METTL25: variants seen among roughly 807,000 people sequenced by gnomAD.
METTL25 encodes the protein methyltransferase like 25, also known as probable methyltransferase-like protein 25.
METTL25 carries 64 observed loss-of-function variants against 71.6 expected under a neutral mutation model. The ratio of observed to expected loss-of-function variants is 0.89; its 90% CI spans 0.73 to 1.10. The LOEUF (loss-of-function observed/expected upper bound fraction) is 1.10. Ranked by LOEUF, METTL25 falls within the 50% of genes least tolerant of loss-of-function variation. The probability of loss-of-function intolerance (pLI) is 0.00; values close to 1 mark genes in which losing one functional copy is unlikely to be tolerated. For synonymous variants in METTL25, 287 were observed against 250.3 expected, an observed-to-expected ratio of 1.15 and a Z score of -1.38; for missense variants, 807 against 707.0, an observed-to-expected ratio of 1.14 and a Z score of -1.60.
At chr12:82,377,275 G>A (rs982251947) in intron 1 of METTL25, among the ~76,000 whole-genome samples, 1 of 152,064 alleles carries the variant, frequency 6.6e-6, no homozygotes, top group East Asian at 1.9e-4. Flanking sequence ...GGTTGCATGC[G>A]TCACCTAGCA....
intron 9 of METTL25, among the ~76,000 whole-genome samples, chr12:82,470,614 C>G (rs913275439): frequency 8.5e-5 from 13 of 152,214 alleles, no homozygotes; most frequent in South Asian, 2.1e-4. Context: ...AAAAAAAAAG[C>G]CTTTCTGCCT....
intron 5 of METTL25, among the ~76,000 whole-genome samples, chr12:82,411,443 G>A (rs867189460): frequency 6.6e-6 from 1 of 151,854 alleles, no homozygotes; most frequent in Non-Finnish European, 1.5e-5. Flanking sequence ...GGGCAAAGTT[G>A]GAACATGTTT....
In METTL25 at chr12:82,370,164, G is replaced by C. The variant is rs114890089; in HGVS notation, c.259+11340G>C. ...CCCTGCAGTTGTAGTGTCCTCCATA[G>C]GGGAACTCTTTAGGCCAGTGAAAGG... On this transcript the variant is annotated intron_variant, in intron 1 of 11. Transcript: ENST00000248306. Among the ~76,000 whole-genome samples, 548 of 152,254 alleles carry C rather than the reference G, an allele frequency of 3.6e-3. 1 individual carries two copies. Among genetic ancestry groups the C allele is most frequent in the African/African-American group, 0.013 (525 of 41,536 alleles).
At position 82,430,548 on chromosome 12, in the gene METTL25, CAAT is replaced by C. The variant is rs1429944371; in HGVS notation, c.1280-342_1280-340del. Among the ~76,000 whole-genome samples the C allele has an allele frequency of 2.6e-5, 4 of 151,524 alleles. No homozygotes were observed. The Admixed American group carries it at 2.6e-4, about 10-fold the overall frequency. ...AATCATTTTTAAAAAGTCAGACCAA[CAAT>C]AAATTTTCAATATCTCATTACTTAT... On this transcript the variant is annotated intron_variant, in intron 5 of 11. Transcript: ENST00000248306.
chr12:82,446,305 A>G (rs1355260143), intron 8 of METTL25, among the ~76,000 whole-genome samples: 1 of 152,176 alleles, frequency 6.6e-6, no homozygotes, highest in Non-Finnish European at 1.5e-5. Flanking sequence ...GTGTTAAACT[A>G]CACTGTAGAA....
rs1886335894 is a variant in METTL25 at position 82,398,964 on chromosome 12, A to T, written c.701A>T (p.Asp234Val). Reference sequence around the variant, plus strand: ...CTCTGTCATGCTCAGTCAAGATTAGATGTCAATGGACTAGCATTAAAAATG... The same window carrying T: ...CTCTGTCATGCTCAGTCAAGATTAGTTGTCAATGGACTAGCATTAAAAATG... The part of the protein sequence containing the change: ...WKLCHAQSRL[D>V]VNGLALKMAK... The change falls in exon 4 of 12, where the codon GAT becomes GTT. Residue 234 changes from aspartate to valine, a missense_variant. Coordinates refer to ENST00000248306, the MANE Select transcript of METTL25 (RefSeq NM_032230.3). 2 of 1,610,114 alleles carry T rather than the reference A, an allele frequency of 1.2e-6. No homozygotes were observed. The highest frequency in any genetic ancestry group is 1.7e-5 in the Admixed American group (1 of 59,558).
At position 82,399,374 on chromosome 12, in the gene METTL25, G is replaced by T; in HGVS notation, c.1111G>T (p.Asp371Tyr). 1 of 1,577,992 alleles carries T rather than the reference G, an allele frequency of 6.3e-7. No homozygotes were observed. Among genetic ancestry groups the T allele is most frequent in the South Asian group, 1.2e-5 (1 of 84,846 alleles). Reference protein sequence around the residue: ...SFITADSELHDIIKDLEDCLM... With the variant: ...SFITADSELHYIIKDLEDCLM... ...TATCACTGCTGATTCAGAACTCCAT[G>T]ACATTATTAAAGATTTGGAGGTGAC... Residue 371 changes from aspartate to tyrosine, a missense_variant, in exon 4 of 12, where the codon GAC becomes TAC. Transcript: ENST00000248306.
intron 1 of METTL25, among the ~76,000 whole-genome samples, chr12:82,372,453 A>G (rs1169911537): frequency 6.6e-6 from 1 of 152,176 alleles, no homozygotes; most frequent in African/African-American, 2.4e-5. Flanking sequence ...CTCCTGTGAG[A>G]TGTAAATTGC....
At chr12:82,360,873 A>T (rs1881762738) in intron 1 of METTL25, among the ~76,000 whole-genome samples, 1 of 152,090 alleles carries the variant, frequency 6.6e-6, no homozygotes, top group Non-Finnish European at 1.5e-5. Context: ...TGATGTTTGG[A>T]TGTGTTCGGA....
intron 3 of METTL25, among the ~76,000 whole-genome samples, chr12:82,396,570 T>C (rs1022430032): frequency 9.9e-5 from 15 of 152,088 alleles, no homozygotes; most frequent in Non-Finnish European, 2.1e-4. Context: ...CTCCATTTAT[T>C]TTATGAAATG....
chr12:82,456,578 A>G (rs1891503306), intron 8 of METTL25, 149 bp from the exon 9 acceptor site: 1 of 481,498 alleles, frequency 2.1e-6, no homozygotes, highest in Non-Finnish European at 3.7e-6. Flanking sequence ...TAACTTTAAA[A>G]TGTCCTCAAA....
At chr12:82,406,965 T>C (rs976113331) in intron 5 of METTL25, among the ~76,000 whole-genome samples, 2 of 152,136 alleles carry the variant, frequency 1.3e-5, no homozygotes, top group Admixed American at 1.3e-4. Flanking sequence ...ATAGTCACTT[T>C]TTCTCATTGT....
chr12:82,453,402 A>G (rs1236906705), intron 8 of METTL25, among the ~76,000 whole-genome samples: 2 of 152,166 alleles, frequency 1.3e-5, no homozygotes, highest in African/African-American at 4.8e-5. Flanking sequence ...ATCCTATTCA[A>G]GTAGTATGCT....
At chr12:82,416,838 T>C (rs1888026845) in intron 5 of METTL25, among the ~76,000 whole-genome samples, 1 of 152,116 alleles carries the variant, frequency 6.6e-6, no homozygotes, top group African/African-American at 2.4e-5. Flanking sequence ...TCCTGATAGT[T>C]CAATATAGTG....
In METTL25 at chr12:82,402,988, T is replaced by C. The variant is rs745468767; in HGVS notation, c.1137T>C (p.Cys379=). ...LHDIIKDLED[C]LMVGLHTCGD... ...TTTCTTCTTGTATTTTAAAGGATTG[T>C]TTGATGGTGGGTCTCCACACTTGTG... The change falls in exon 5 of 12, where the codon TGT becomes TGC. Residue 379 remains cysteine, a synonymous_variant. Coordinates refer to ENST00000248306, the MANE Select transcript of METTL25 (RefSeq NM_032230.3). The C allele has an allele frequency of 6.3e-7, 1 of 1,592,630 alleles. No homozygotes were observed. Among genetic ancestry groups the C allele is most frequent in the Non-Finnish European group, 8.5e-7 (1 of 1,172,830 alleles).
chr12:82,469,151 A>G (rs1042562740), intron 9 of METTL25, among the ~76,000 whole-genome samples: 7 of 152,184 alleles, frequency 4.6e-5, no homozygotes, highest in East Asian at 1.9e-4. Flanking sequence ...GGGGATGTCT[A>G]TGGAAATCTG....
intron 3 of METTL25, among the ~76,000 whole-genome samples, chr12:82,393,600 A>T (rs1885800074): frequency 6.6e-6 from 1 of 151,926 alleles, no homozygotes; most frequent in Admixed American, 6.6e-5. Context: ...TTAAATTTGG[A>T]TGCCTTTTAT....
intron 4 of METTL25, 51 bp from the exon 5 acceptor site, chr12:82,402,932 A>T: frequency 7.2e-7 from 1 of 1,389,150 alleles, no homozygotes; most frequent in East Asian, 2.4e-5. Context: ...AAAATTTTAA[A>T]CAACCCTCTT....
At chr12:82,471,676 A>G (rs1314525250) in intron 9 of METTL25, among the ~76,000 whole-genome samples, 1 of 152,252 alleles carries the variant, frequency 6.6e-6, no homozygotes, top group East Asian at 1.9e-4. Context: ...ATATGATGGT[A>G]ACTCCAATAA....
Sources: allele counts gnomAD v4.1 joint callset (sites outside exome capture counted in the v4.1 genomes callset), GRCh38; gene constraint gnomAD v4.1.1; transcripts MANE v1.5; gene names NCBI Gene and HGNC (gene_info 2026-07-23, HGNC 2026-07-21).